Variants in HORMAD2 observed in about 807,000 individuals in gnomAD.
HORMAD2 encodes HORMA domain containing 2.
HORMAD2 carries 45 observed loss-of-function variants against 38.8 expected under a neutral mutation model. That is an observed-to-expected ratio of 1.16 (90% confidence interval 0.91 to 1.49). The LOEUF is 1.49. Ranked by LOEUF, HORMAD2 falls within the 40% of genes most tolerant of loss-of-function variation. HORMAD2 has a pLI of 0.00. For synonymous variants in HORMAD2, 126 were observed against 122.8 expected (o/e 1.03, Z -0.17); for missense variants, 338 against 367.0 (o/e 0.92, Z 0.65).
chr22:30,083,822 T>G (rs1403012819), intron 1 of HORMAD2, among the ~76,000 whole-genome samples: 2 of 152,144 alleles, frequency 1.3e-5, no homozygotes, highest in Non-Finnish European at 2.9e-5. Context: ...GAAAAAATAA[T>G]TTAGATCTTT....
intron 10 of HORMAD2, among the ~76,000 whole-genome samples, chr22:30,141,062 A>C (rs1870881875): frequency 6.6e-6 from 1 of 152,062 alleles, no homozygotes; most frequent in Non-Finnish European, 1.5e-5. Context: ...CAGTGGAATG[A>C]CCTCGGCTCA....
the HORMAD2 span, among the ~76,000 whole-genome samples, chr22:30,186,358 C>CTTTTTTT: frequency 1.5e-5 from 2 of 133,006 alleles, no homozygotes; most frequent in Admixed American, 7.5e-5. Flanking sequence ...TCCTTCTGTC[C>CTTTTTTT]TTTTTTTTTT....
intron 10 of HORMAD2, among the ~76,000 whole-genome samples, chr22:30,170,870 C>T (rs1451106068): frequency 6.6e-6 from 1 of 152,176 alleles, no homozygotes. Context: ...GTGACTTCTA[C>T]CCTCACCAAT....
chr22:30,207,157 G>T, the HORMAD2 span: 26 of 461,762 alleles, frequency 5.6e-5, no homozygotes, highest in Middle Eastern at 6.5e-4. Flanking sequence ...GCTCCCGCCC[G>T]CCCAGGCTGA....
intron 10 of HORMAD2, among the ~76,000 whole-genome samples, chr22:30,141,203 G>GAA (rs1050982034): frequency 7.5e-4 from 114 of 152,098 alleles, no homozygotes; most frequent in African/African-American, 2.6e-3. Context: ...TCACCATGTT[G>GAA]GCCAGGCTTG....
At chr22:30,160,168 T>A (rs553691997) in intron 10 of HORMAD2, among the ~76,000 whole-genome samples, 2 of 152,074 alleles carry the variant, frequency 1.3e-5, no homozygotes, top group East Asian at 3.9e-4. Flanking sequence ...CCTGCTGTCC[T>A]GCTGCCACTG....
At chr22:30,173,046 A>G (rs1397413086) in intron 10 of HORMAD2, among the ~76,000 whole-genome samples, 1 of 152,204 alleles carries the variant, frequency 6.6e-6, no homozygotes, top group Admixed American at 6.5e-5. Context: ...AGAAGAAACT[A>G]TGGAACTGCC....
chr22:30,156,427 G>T (rs1925078343), intron 10 of HORMAD2, among the ~76,000 whole-genome samples: 1 of 152,098 alleles, frequency 6.6e-6, no homozygotes, highest in Non-Finnish European at 1.5e-5. Flanking sequence ...TAACCTAAAT[G>T]AATGTAGAAA....
At chr22:30,187,676 G>C in the HORMAD2 span, among the ~76,000 whole-genome samples, 3 of 152,210 alleles carry the variant, frequency 2.0e-5, no homozygotes, top group South Asian at 2.1e-4. Context: ...ACTTATGATT[G>C]GTGGAATGGA....
chr22:30,091,346 T>G (rs954668617), intron 1 of HORMAD2, among the ~76,000 whole-genome samples: 9 of 148,754 alleles, frequency 6.1e-5, no homozygotes. Context: ...CTCACTGCAC[T>G]GCAGCCTTGA....
intron 10 of HORMAD2, among the ~76,000 whole-genome samples, chr22:30,169,042 A>G (rs1282886569): frequency 6.6e-6 from 1 of 152,136 alleles, no homozygotes; most frequent in African/African-American, 2.4e-5. Context: ...ATATCCCTGT[A>G]CCTGTGCTCC....
At chr22:30,121,171 G>A (rs1922401663) in intron 8 of HORMAD2, among the ~76,000 whole-genome samples, 1 of 152,204 alleles carries the variant, frequency 6.6e-6, no homozygotes, top group African/African-American at 2.4e-5. Flanking sequence ...ACTTTTGCGA[G>A]ATAATCAGAC....
intron 10 of HORMAD2, among the ~76,000 whole-genome samples, chr22:30,131,832 AAAT>A (rs1315972239): frequency 6.6e-6 from 1 of 152,208 alleles, no homozygotes; most frequent in Non-Finnish European, 1.5e-5. Context: ...AAGAATCCAC[AAAT>A]TATAACAATA....
intron 3 of HORMAD2, among the ~76,000 whole-genome samples, chr22:30,100,512 G>A (rs565511994): frequency 6.6e-6 from 1 of 152,240 alleles, no homozygotes; most frequent in Non-Finnish European, 1.5e-5. Context: ...TACCATTCAG[G>A]CCATAGGCAT....
chr22:30,182,008 A>G (rs1926740969), downstream of HORMAD2, among the ~76,000 whole-genome samples: 1 of 152,356 alleles, frequency 6.6e-6, no homozygotes, highest in South Asian at 2.1e-4. Context: ...TAAATAGTTG[A>G]ATTTCAATGG....
At chr22:30,133,466 C>T (rs369365384) in intron 10 of HORMAD2, among the ~76,000 whole-genome samples, 2 of 147,220 alleles carry the variant, frequency 1.4e-5, no homozygotes, top group Middle Eastern at 3.6e-3. Context: ...TATATATATA[C>T]ATATATATAT....
At position 30,165,090 on chromosome 22, in the gene HORMAD2, G is replaced by T. The variant is rs575764503; in HGVS notation, c.820-10973G>T. Among the ~76,000 whole-genome samples, 10 of 152,136 alleles carry T rather than the reference G, an allele frequency of 6.6e-5. No homozygotes were observed. The East Asian group carries it at 1.4e-3, about 21-fold the overall frequency. On this transcript the variant is annotated intron_variant, in intron 10 of 10. Transcript: ENST00000336726. ...TAGGTTTAGGTCTTTGATCCTTTCT[G>T]AGTTAACTTTTGTGTATGATCTAAG...
chr22:30,173,163 G>T (rs1170599889), intron 10 of HORMAD2, among the ~76,000 whole-genome samples: 1 of 152,196 alleles, frequency 6.6e-6, no homozygotes, highest in Non-Finnish European at 1.5e-5. Flanking sequence ...GGTTAAGTGT[G>T]GGGGAAGATG....
chr22:30,118,862 C>A, intron 7 of HORMAD2, 118 bp from the exon 8 acceptor site: 1 of 665,450 alleles, frequency 1.5e-6, no homozygotes, highest in Non-Finnish European at 2.6e-6. Flanking sequence ...GTGAAACAAA[C>A]AGCTATATAG....
Sources: gnomAD v4.1 joint callset for allele counts (sites outside exome capture counted in the v4.1 genomes callset) on GRCh38, gnomAD v4.1.1 for gene constraint, MANE v1.5 for transcripts, NCBI Gene and HGNC (gene_info 2026-07-23, HGNC 2026-07-21) for gene names.